The following CTBP2 variants were observed in gnomAD, a reference collection of about 807,000 sequenced individuals.
The protein encoded by CTBP2 is C-terminal-binding protein 2.
CTBP2 carries 30 observed loss-of-function variants against 80.3 expected under a neutral mutation model. The observed-to-expected ratio is 0.37, with a 90% CI of 0.28 to 0.51. The LOEUF (loss-of-function observed/expected upper bound fraction) is 0.51. CTBP2 is among the 20% of genes least tolerant of loss of function. CTBP2 has a pLI of 0.93. For missense variants in CTBP2, 1,212 were observed against 1,375.3 expected (o/e 0.88, Z 1.88); for synonymous variants, 594 against 587.4 (o/e 1.01, Z -0.16).
At chr10:125,082,820 C>T (rs1847379652) in intron 2 of CTBP2, among the ~76,000 whole-genome samples, 1 of 152,160 alleles carries the variant, frequency 6.6e-6, no homozygotes, top group Non-Finnish European at 1.5e-5. Context: ...AATGCCAGAC[C>T]TCAAATGATC....
chr10:125,003,054 G>C lies in CTBP2; in HGVS notation c.1884C>G (p.Thr628=). 1.2e-6 allele frequency: 2 copies of C among 1,614,080 alleles called. No homozygotes were observed. The highest frequency in any genetic ancestry group is 1.1e-5 in the South Asian group (1 of 91,088). The stretch of plus-strand genomic sequence containing the variant: ...CCTTGAACTTCTCCAGGTCCTCCCT[G>C]GTGAGGGTGATGGTGTGGTACATCA... Residue 628 remains threonine (T), a synonymous_variant, in exon 3 of 9, where the codon ACC becomes ACG. Coordinates refer to ENST00000309035, the MANE Select transcript of CTBP2 (RefSeq NM_022802.3).
At chr10:125,070,280 GGCA>G (rs1845265837) in intron 2 of CTBP2, among the ~76,000 whole-genome samples, 1 of 152,070 alleles carries the variant, frequency 6.6e-6, no homozygotes, top group Admixed American at 6.6e-5. Flanking sequence ...GAACTGGGGA[GGCA>G]GATGTTGCAG....
At chr10:125,032,060 A>G (rs1448884474), upstream of CTBP2, among the ~76,000 whole-genome samples, 1 of 152,098 alleles carries the variant, frequency 6.6e-6, no homozygotes, top group African/African-American at 2.4e-5. Context: ...AAAAGAAAAA[A>G]AAAAACAAGC....
At chr10:125,029,735 T>C (rs948352532), upstream of CTBP2, among the ~76,000 whole-genome samples, 2 of 145,844 alleles carry the variant, frequency 1.4e-5, no homozygotes, top group African/African-American at 4.9e-5. Flanking sequence ...CAAGTCTTTT[T>C]TGTAGCAGGG....
chr10:125,021,510 T>G (rs145739291), intron 1 of CTBP2, among the ~76,000 whole-genome samples: 1 of 152,062 alleles, frequency 6.6e-6, no homozygotes, highest in African/African-American at 2.4e-5. Flanking sequence ...GAACAAAGGG[T>G]GAGGCCAGGT....
In CTBP2 at chr10:125,085,211, G is replaced by T. The variant is rs139527646; in HGVS notation, c.-102+25779C>A. Reference sequence around the variant, plus strand: ...GTTCCAAGATAAAGAGTTTTATTTTGGTGGCTAAGGGGAAAAGTAGAGAAA... The same window carrying T: ...GTTCCAAGATAAAGAGTTTTATTTTTGTGGCTAAGGGGAAAAGTAGAGAAA... On this transcript the variant is annotated intron_variant, in intron 2 of 10. Transcript: ENST00000337195. Among the ~76,000 whole-genome samples the T allele has an allele frequency of 1.2e-4, 19 of 152,310 alleles. No homozygotes were observed. In the East Asian group the frequency reaches 3.7e-3, roughly 29 times the overall value.
chr10:125,052,330 T>C (rs1019996685), intron 2 of CTBP2, among the ~76,000 whole-genome samples: 3 of 152,196 alleles, frequency 2.0e-5, no homozygotes, highest in African/African-American at 7.2e-5. Context: ...CCCGTGGCCA[T>C]TTCCCAGCAG....
chr10:125,094,458 G>C (rs1345442408), intron 2 of CTBP2, among the ~76,000 whole-genome samples: 4 of 152,214 alleles, frequency 2.6e-5, no homozygotes, highest in Non-Finnish European at 5.9e-5. Flanking sequence ...CGATGATGTG[G>C]GGGTTACGCA....
intron 1 of CTBP2, among the ~76,000 whole-genome samples, chr10:125,025,559 A>G (rs1220848293): frequency 2.0e-5 from 3 of 152,122 alleles, no homozygotes; most frequent in African/African-American, 7.2e-5. Context: ...AAACACACAC[A>G]TTTTCATCTC....
At position 125,154,390 on chromosome 10, in the gene CTBP2, C is replaced by T. The variant is rs186347556; in HGVS notation, c.-206+5929G>A. On this transcript the variant is annotated intron_variant, in intron 1 of 10. Transcript: ENST00000337195. ...TCCCATCCTTTAAACACCAACCGAT[C>T]TTTGGGAAAAACGAAGTCTCTATTA... 4.5e-3 allele frequency among the ~76,000 whole-genome samples: 678 copies of T among 152,264 alleles called. 9 individuals carry two copies. The highest frequency in any genetic ancestry group is 0.04 in the Admixed American group (618 of 15,290).
intron 4 of CTBP2, among the ~76,000 whole-genome samples, chr10:124,995,414 T>A (rs1953343944): frequency 6.6e-6 from 1 of 152,210 alleles, no homozygotes; most frequent in Non-Finnish European, 1.5e-5. Context: ...ACCTCCAGCT[T>A]CCCAGAGCAG....
Position 124,985,007 on chromosome 10 carries a change from C to T in CTBP2, c.*4511G>A. The stretch of plus-strand genomic sequence containing the variant: ...AAGATGAATGAAAAAAAAAATCAAA[C>T]AGCAGAAGACCAAGGCATCAGATCT... On this transcript the variant is annotated 3_prime_UTR_variant, in exon 9 of 9. Coordinates refer to ENST00000309035, the MANE Select transcript of CTBP2 (RefSeq NM_022802.3). 1.3e-6 allele frequency: 2 copies of T among 1,574,010 alleles called. No homozygotes were observed. The highest frequency in any genetic ancestry group is 1.4e-5 in the African/African-American group (1 of 73,864).
At chr10:125,155,883 C>T (rs1860828283) in intron 1 of CTBP2, among the ~76,000 whole-genome samples, 1 of 152,102 alleles carries the variant, frequency 6.6e-6, no homozygotes, top group South Asian at 2.1e-4. Flanking sequence ...CTGATATCTG[C>T]CAGGCCGCAC....
chr10:125,081,586 T>A (rs1322172575), intron 2 of CTBP2, among the ~76,000 whole-genome samples: 1 of 152,010 alleles, frequency 6.6e-6, no homozygotes, highest in Non-Finnish European at 1.5e-5. Context: ...TTGGAGAGGC[T>A]AGGTAAAGGG....
At chr10:125,114,851 C>T (rs1462082370) in intron 1 of CTBP2, among the ~76,000 whole-genome samples, 2 of 147,882 alleles carry the variant, frequency 1.4e-5, no homozygotes, top group African/African-American at 2.5e-5. Flanking sequence ...CCTGGCCTGG[C>T]CCCCCCATGC....
Position 124,985,960 on chromosome 10 carries a change from G to A in CTBP2, c.*3558C>T, listed in dbSNP as rs1952024158. ...GGGCATGCCTTTGCTTAGGCAGATTGGGAATACCAATTCACTACAGAATAA... is the reference window on the plus strand; with the variant it reads ...GGGCATGCCTTTGCTTAGGCAGATTAGGAATACCAATTCACTACAGAATAA... On this transcript the variant is annotated 3_prime_UTR_variant, in exon 9 of 9. Transcript: ENST00000309035. The A allele has an allele frequency of 6.6e-6, 1 of 152,170 alleles. No individual in the cohort carries two copies. Among genetic ancestry groups the A allele is most frequent in the Admixed American group, 6.5e-5 (1 of 15,270 alleles). The allele number at this position is 152,170 out of a possible 1,614,324, so 9.4% of individuals were successfully genotyped here. A position where few individuals can be genotyped will look rare whatever the true frequency, so the allele number is the denominator to read the frequency against.
Position 124,985,907 on chromosome 10 carries a change from C to G in CTBP2, c.*3611G>C, listed in dbSNP as rs11544131. 2.6e-5 allele frequency: 4 copies of G among 152,144 alleles called. No individual in the cohort carries two copies. Among genetic ancestry groups the G allele is most frequent in the African/African-American group, 9.7e-5 (4 of 41,414 alleles). 9.4% of individuals were successfully genotyped at this position (152,144 alleles called of 1,614,324 possible). On this transcript the variant is annotated 3_prime_UTR_variant, in exon 9 of 9. Transcript: ENST00000309035. ...GGTCTTCGGATTCTTCCTTCTATCA[C>G]CTCTGCTCTAAGCAAATCTTGTTAG...
intron 2 of CTBP2, among the ~76,000 whole-genome samples, chr10:125,048,876 C>G (rs547344748): frequency 4.5e-4 from 69 of 152,310 alleles, no homozygotes; most frequent in Non-Finnish European, 5.9e-4. Flanking sequence ...GACTCAACAC[C>G]AGGATCAGTT....
chr10:125,067,266 C>T (rs1247920550), intron 2 of CTBP2, among the ~76,000 whole-genome samples: 4 of 152,140 alleles, frequency 2.6e-5, no homozygotes, highest in African/African-American at 9.7e-5. Context: ...TAAGGAAAGA[C>T]TGTGAAACTG....
Sources: gnomAD v4.1 joint callset for allele counts (sites outside exome capture counted in the v4.1 genomes callset) on GRCh38, gnomAD v4.1.1 for gene constraint, MANE v1.5 for transcripts, NCBI Gene and HGNC (gene_info 2026-07-23, HGNC 2026-07-21) for gene names.